Variants in TRIM24 observed in about 807,000 individuals in gnomAD.
TRIM24 encodes the protein tripartite motif containing 24, also known as transcription intermediary factor 1-alpha.
A neutral mutation model predicts 123.9 loss-of-function variants in TRIM24; 29 were observed. The observed-to-expected ratio is 0.23, with a 90% confidence interval of 0.17 to 0.32. The LOEUF (loss-of-function observed/expected upper bound fraction) is 0.32. TRIM24 is among the 10% of genes least tolerant of loss of function. The pLI, the probability that TRIM24 is intolerant of heterozygous loss-of-function variation, is 1.00. For synonymous variants in TRIM24, 456 were observed against 461.1 expected (o/e 0.99, Z 0.14); for missense variants, 932 against 1,295.3 (o/e 0.72, Z 4.31).
Position 138,541,536 on chromosome 7 carries a change from G to A in TRIM24, c.1143+2733G>A, listed in dbSNP as rs116062068. The stretch of plus-strand genomic sequence containing the variant: ...TTGTAAGTAGATGTGCTGTAATCCC[G>A]GCTTTGTTTTCACTTATAGAACACA... On this transcript the variant is annotated intron_variant, in intron 7 of 18. Coordinates refer to ENST00000343526, the MANE Select transcript of TRIM24 (RefSeq NM_015905.3). Among the ~76,000 whole-genome samples, 659 of 152,166 alleles carry A rather than the reference G, an allele frequency of 4.3e-3. 6 individuals carry two copies. Among genetic ancestry groups the A allele is most frequent in the African/African-American group, 0.015 (639 of 41,516 alleles).
At chr7:138,548,655 A>T (rs1376572914) in intron 7 of TRIM24, among the ~76,000 whole-genome samples, 2 of 152,202 alleles carry the variant, frequency 1.3e-5, no homozygotes, top group Non-Finnish European at 2.9e-5. Context: ...AGGAAAGCTT[A>T]CCGTAACTTT....
chr7:138,460,968 G>A (rs1694726435), intron 1 of TRIM24, 56 bp downstream of exon 1: 1 of 1,341,808 alleles, frequency 7.5e-7, no homozygotes, highest in Non-Finnish European at 9.5e-7. Context: ...GAGGGGGCGG[G>A]CGCCCTTGTG....
intron 1 of TRIM24, among the ~76,000 whole-genome samples, chr7:138,490,193 C>T (rs893533088): frequency 2.0e-5 from 3 of 152,122 alleles, no homozygotes; most frequent in Non-Finnish European, 2.9e-5. Flanking sequence ...CCATGGTTTT[C>T]AGCTCCATAG....
At chr7:138,568,955 T>C (rs1797596710) in intron 10 of TRIM24, among the ~76,000 whole-genome samples, 1 of 152,152 alleles carries the variant, frequency 6.6e-6, no homozygotes, top group African/African-American at 2.4e-5. Context: ...ATAATCAATT[T>C]GCCTTTGCTA....
At chr7:138,544,185 C>T (rs1333212728) in intron 7 of TRIM24, among the ~76,000 whole-genome samples, 1 of 152,172 alleles carries the variant, frequency 6.6e-6, no homozygotes, top group Non-Finnish European at 1.5e-5. Flanking sequence ...CTCTACATTT[C>T]CTACCCACCT....
chr7:138,508,708 C>CATGTGTGTGTGTGCGT (rs1554436688), intron 2 of TRIM24, among the ~76,000 whole-genome samples: 3 of 136,286 alleles, frequency 2.2e-5, no homozygotes, highest in East Asian at 5.0e-4. Flanking sequence ...CGCGTGTGTG[C>CATGTGTGTGTGTGCGT]GTGTGTGTGT....
intron 2 of TRIM24, among the ~76,000 whole-genome samples, chr7:138,510,553 C>T (rs558032190): frequency 6.6e-6 from 1 of 152,238 alleles, no homozygotes; most frequent in African/African-American, 2.4e-5. Context: ...TCCAGAGTAG[C>T]TGGGACTACA....
At chr7:138,545,330 A>G (rs1018347150) in intron 7 of TRIM24, 2 of 436,472 alleles carry the variant, frequency 4.6e-6, no homozygotes, top group African/African-American at 4.0e-5. Context: ...GCAGCCACGG[A>G]TGTGAAGTGG....
At chr7:138,582,414 C>G (rs888493309) in intron 17 of TRIM24, among the ~76,000 whole-genome samples, 2 of 151,920 alleles carry the variant, frequency 1.3e-5, no homozygotes, top group African/African-American at 2.4e-5. Context: ...TGGTGGCAGG[C>G]GCCTGTAGTC....
intron 2 of TRIM24, among the ~76,000 whole-genome samples, chr7:138,508,720 C>CGTGTGTGTGTGTGCGT (rs1554436717): frequency 0.011 from 834 of 72,526 alleles, 5 homozygotes; most frequent in African/African-American, 0.021. Context: ...TGTGTGTGTG[C>CGTGTGTGTGTGTGCGT]GTGTGTGTGT....
chr7:138,469,208 T>C (rs1222889436), intron 1 of TRIM24, among the ~76,000 whole-genome samples: 1 of 152,258 alleles, frequency 6.6e-6, no homozygotes, highest in Non-Finnish European at 1.5e-5. Context: ...GGGTAATTTG[T>C]AAACTTTCAT....
intron 7 of TRIM24, among the ~76,000 whole-genome samples, chr7:138,548,540 G>A (rs2116625902): frequency 6.6e-6 from 1 of 152,198 alleles, no homozygotes; most frequent in South Asian, 2.1e-4. Flanking sequence ...GAAGGCGTAG[G>A]ACATTACTGT....
chr7:138,551,232 C>T (rs1797205106), intron 8 of TRIM24, 52 bp downstream of exon 8: 2 of 1,438,460 alleles, frequency 1.4e-6, no homozygotes, highest in Non-Finnish European at 2.0e-6. Context: ...CTGTAAAACT[C>T]AATGATTATG....
At chr7:138,557,891 ATC>A (rs1403499607) in intron 9 of TRIM24, among the ~76,000 whole-genome samples, 6 of 152,204 alleles carry the variant, frequency 3.9e-5, no homozygotes, top group African/African-American at 7.2e-5. Context: ...GAGGTACAGT[ATC>A]CATACATTCC....
At chr7:138,517,209 A>G (rs534042743) in intron 3 of TRIM24, among the ~76,000 whole-genome samples, 2 of 150,998 alleles carry the variant, frequency 1.3e-5, no homozygotes, top group African/African-American at 4.9e-5. Flanking sequence ...ATTTTTCTCT[A>G]TCTGGTTATT....
Position 138,571,771 on chromosome 7 carries a change from A to T in TRIM24, c.1878+768A>T, listed in dbSNP as rs577929041. On this transcript the variant is annotated intron_variant, in intron 11 of 18. Transcript: ENST00000343526. The stretch of plus-strand genomic sequence containing the variant: ...TTAATAGAGATGGGGGAGACGCCCT[A>T]TGTTACCCAGGCTGGTCTTGAACTC... Among the ~76,000 whole-genome samples, 6 of 152,198 alleles carry T rather than the reference A, an allele frequency of 3.9e-5. No individual in the cohort carries two copies. In the East Asian group the frequency reaches 1.2e-3, roughly 29 times the overall value.
chr7:138,472,514 G>A (rs774715901), intron 1 of TRIM24, among the ~76,000 whole-genome samples: 1 of 152,160 alleles, frequency 6.6e-6, no homozygotes, highest in Non-Finnish European at 1.5e-5. Context: ...AAGTGAGGTC[G>A]TCTGCTGAGA....
At chr7:138,527,800 G>A (rs1438654983) in intron 5 of TRIM24, among the ~76,000 whole-genome samples, 4 of 152,172 alleles carry the variant, frequency 2.6e-5, no homozygotes, top group Non-Finnish European at 5.9e-5. Context: ...GGAGACTGGA[G>A]AGACCAGTAG....
intron 1 of TRIM24, among the ~76,000 whole-genome samples, chr7:138,469,465 C>T (rs1002089210): frequency 1.3e-5 from 2 of 151,970 alleles, no homozygotes; most frequent in African/African-American, 4.8e-5. Context: ...CACACCACCA[C>T]ACCTTGCTAA....
Sources: allele counts gnomAD v4.1 joint callset (sites outside exome capture counted in the v4.1 genomes callset), GRCh38; gene constraint gnomAD v4.1.1; transcripts MANE v1.5; gene names NCBI Gene and HGNC (gene_info 2026-07-23, HGNC 2026-07-21).